TBC1D23: variants seen among roughly 807,000 people sequenced by gnomAD.
TBC1D23 encodes TBC1 domain family member 23, also known as HCV non-structural protein 4A-transactivated protein 1.
Under a neutral mutation model 91.4 loss-of-function variants are expected in TBC1D23, and 55 were observed. The observed-to-expected ratio is 0.60, with a 90% CI of 0.48 to 0.75. The LOEUF is 0.75. Ranked by LOEUF, TBC1D23 falls within the 30% of genes least tolerant of loss-of-function variation. The pLI, the probability that TBC1D23 is intolerant of heterozygous loss-of-function variation, is 0.00. For missense variants in TBC1D23, 725 were observed against 836.1 expected (o/e 0.87, Z 1.64); for synonymous variants, 289 against 281.0 (o/e 1.03, Z -0.28).
intron 5 of TBC1D23, among the ~76,000 whole-genome samples, chr3:100,291,302 A>G: frequency 6.6e-6 from 1 of 152,088 alleles, no homozygotes; most frequent in Non-Finnish European, 1.5e-5. Context: ...TTAAAACTAG[A>G]CTAGGCGCAG....
At chr3:100,320,409 T>C (rs182404267) in intron 17 of TBC1D23, among the ~76,000 whole-genome samples, 206 of 152,258 alleles carry the variant, frequency 1.4e-3, no homozygotes, top group Non-Finnish European at 1.3e-3. Context: ...ATATAGGATA[T>C]GGTGCATTGA....
chr3:100,286,994 T>C (rs1264207915), intron 4 of TBC1D23, among the ~76,000 whole-genome samples: 1 of 152,000 alleles, frequency 6.6e-6, no homozygotes, highest in African/African-American at 2.4e-5. Flanking sequence ...TTTGTATTTT[T>C]AGTAGAGATG....
intron 1 of TBC1D23, among the ~76,000 whole-genome samples, chr3:100,275,318 G>A (rs2067640002): frequency 6.6e-6 from 1 of 150,468 alleles, no homozygotes; most frequent in South Asian, 2.1e-4. Flanking sequence ...ACAGGGTCTC[G>A]TTCTGTAGCC....
intron 4 of TBC1D23, among the ~76,000 whole-genome samples, chr3:100,286,778 G>C (rs2067746608): frequency 6.6e-6 from 1 of 150,950 alleles, no homozygotes; most frequent in Admixed American, 6.6e-5. Context: ...TTACAGGCGT[G>C]AGCCACCACT....
intron 9 of TBC1D23, among the ~76,000 whole-genome samples, chr3:100,298,513 G>A (rs571124852): frequency 4.0e-4 from 61 of 152,038 alleles, no homozygotes; most frequent in Non-Finnish European, 8.1e-4. Context: ...TTAATATATG[G>A]TCTTTATTAC....
At chr3:100,295,558 A>G (rs1559808037) in intron 7 of TBC1D23, among the ~76,000 whole-genome samples, 1 of 151,532 alleles carries the variant, frequency 6.6e-6, no homozygotes, top group Non-Finnish European at 1.5e-5. Flanking sequence ...ATATTTGTTC[A>G]CTCTTTCATT....
chr3:100,273,038 C>A (rs1265847274), intron 1 of TBC1D23, among the ~76,000 whole-genome samples: 2 of 151,914 alleles, frequency 1.3e-5, no homozygotes, highest in Non-Finnish European at 2.9e-5. Flanking sequence ...AGCACAGACC[C>A]TTTACGGGTG....
chr3:100,300,387 A>G (rs559673121), intron 10 of TBC1D23, among the ~76,000 whole-genome samples: 9 of 152,254 alleles, frequency 5.9e-5, no homozygotes, highest in African/African-American at 1.7e-4. Flanking sequence ...GAGAAAGGCC[A>G]TCTTAGCTCA....
intron 1 of TBC1D23, among the ~76,000 whole-genome samples, chr3:100,273,497 T>G (rs2067619176): frequency 6.6e-6 from 1 of 152,198 alleles, no homozygotes; most frequent in Non-Finnish European, 1.5e-5. Flanking sequence ...ATTGACATTC[T>G]TCACAAAACT....
At position 100,279,629 on chromosome 3, in the gene TBC1D23, A is replaced by AAATAGGACT; in HGVS notation, c.54-19_54-11dup. 4 of 1,462,450 alleles carry AAATAGGACT rather than the reference A, an allele frequency of 2.7e-6. No individual in the cohort carries two copies. The highest frequency in any genetic ancestry group is 3.8e-6 in the Non-Finnish European group (4 of 1,056,580). 90.6% of individuals were successfully genotyped at this position (1,462,450 alleles called of 1,614,324 possible). On this transcript the variant is annotated intron_variant, in intron 1 of 18. Transcript: ENST00000394144. ...AGTATGAGATAAAGTTCATTTTAAT[A>AAATAGGACT]AATAGGACTTATTTTTTAGGGAAAA...
At chr3:100,289,605 A>T (rs1475833548) in intron 4 of TBC1D23, among the ~76,000 whole-genome samples, 1 of 152,116 alleles carries the variant, frequency 6.6e-6, no homozygotes, top group Non-Finnish European at 1.5e-5. Context: ...GAGGGACAGT[A>T]CTTTTCAGAT....
chr3:100,305,292 T>C (rs1705497674), intron 12 of TBC1D23, among the ~76,000 whole-genome samples: 1 of 152,136 alleles, frequency 6.6e-6, no homozygotes, highest in South Asian at 2.1e-4. Context: ...GAAGGTATTC[T>C]CTGTTTAAAA....
At chr3:100,308,397 C>T (rs1160313800) in intron 13 of TBC1D23, among the ~76,000 whole-genome samples, 2 of 152,006 alleles carry the variant, frequency 1.3e-5, no homozygotes, top group Admixed American at 6.6e-5. Flanking sequence ...ATGGTGTGAA[C>T]CCGGGAGGCG....
intron 1 of TBC1D23, among the ~76,000 whole-genome samples, chr3:100,274,547 G>A (rs2148851607): frequency 6.6e-6 from 1 of 151,880 alleles, no homozygotes; most frequent in Non-Finnish European, 1.5e-5. Flanking sequence ...CTGAAACTTT[G>A]TATCTGTTAA....
At chr3:100,310,948 C>T (rs1300920405) in intron 14 of TBC1D23, among the ~76,000 whole-genome samples, 3 of 152,164 alleles carry the variant, frequency 2.0e-5, no homozygotes, top group Non-Finnish European at 4.4e-5. Context: ...CTAAATATAG[C>T]AGAAACCCAC....
chr3:100,311,552 A>G (rs957613841), intron 14 of TBC1D23, among the ~76,000 whole-genome samples: 1 of 152,170 alleles, frequency 6.6e-6, no homozygotes, highest in African/African-American at 2.4e-5. Context: ...GAGTTGGAGG[A>G]CTATTATTGC....
In TBC1D23 at chr3:100,296,368, A is replaced by G. The variant is rs945794926; in HGVS notation, c.876+93A>G. 12 of 728,418 alleles carry G rather than the reference A, an allele frequency of 1.6e-5. No homozygotes were observed. The Admixed American group carries it at 2.3e-4, about 14-fold the overall frequency. The allele number at this position is 728,418 out of a possible 1,614,324, so 45.1% of individuals were successfully genotyped here. A position where few individuals can be genotyped will look rare whatever the true frequency, so the allele number is the denominator to read the frequency against. On this transcript the variant is annotated intron_variant, in intron 8 of 18. Coordinates refer to ENST00000394144, the MANE Select transcript of TBC1D23 (RefSeq NM_001199198.3). ...TCACTTTAGTTAAAATAGGTTGTCA[A>G]TTTTTTCTGTTTCTTTATGTGTTGT...
rs866466674 is a variant in TBC1D23 at position 100,291,796 on chromosome 3, C to T, written c.600+1095C>T. ...GATTATCATATCTGCTTTTTTTTTTCTTTTTTTTTTTTTTTGAGATGGAGT... is the reference window on the plus strand; with the variant it reads ...GATTATCATATCTGCTTTTTTTTTTTTTTTTTTTTTTTTTTGAGATGGAGT... On this transcript the variant is annotated intron_variant, in intron 5 of 18. Transcript: ENST00000394144. Among the ~76,000 whole-genome samples, 997 of 131,368 alleles carry T rather than the reference C, an allele frequency of 7.6e-3. 4 individuals carry two copies. The highest frequency in any genetic ancestry group is 8.8e-3 in the Non-Finnish European group (544 of 61,494). 86.2% of individuals were successfully genotyped at this position (131,368 alleles called of 152,430 possible).
intron 13 of TBC1D23, among the ~76,000 whole-genome samples, chr3:100,309,118 G>C (rs1290573993): frequency 2.8e-4 from 43 of 152,150 alleles, no homozygotes. Context: ...AGGTTGCAGT[G>C]AGCCAAGATC....
Sources: allele counts gnomAD v4.1 joint callset (sites outside exome capture counted in the v4.1 genomes callset), GRCh38; gene constraint gnomAD v4.1.1; transcripts MANE v1.5; gene names NCBI Gene and HGNC (gene_info 2026-07-23, HGNC 2026-07-21).